HFM1: variants seen among roughly 807,000 people sequenced by gnomAD.
HFM1 encodes the protein probable ATP-dependent DNA helicase HFM1.
Under a neutral mutation model 192.1 loss-of-function variants are expected in HFM1, and 169 were observed. The observed-to-expected ratio is 0.88, with a 90% CI of 0.78 to 1.00. HFM1 has a LOEUF of 1.00. Among genes scored for constraint, HFM1 ranks in the 50% least tolerant of loss-of-function variants. HFM1 has a pLI of 0.00. For synonymous variants in HFM1, 525 were observed against 537.8 expected (o/e 0.98, Z 0.33); for missense variants, 1,661 against 1,668.0 (o/e 1.00, Z 0.07).
At chr1:91,335,190 C>G (rs1278881804) in intron 20 of HFM1, among the ~76,000 whole-genome samples, 3 of 152,102 alleles carry the variant, frequency 2.0e-5, no homozygotes, top group South Asian at 2.1e-4. Flanking sequence ...TAGCCAGGCT[C>G]TCAATTAGGA....
intron 3 of HFM1, among the ~76,000 whole-genome samples, chr1:91,395,249 T>C (rs1265513331): frequency 6.6e-6 from 1 of 152,144 alleles, no homozygotes; most frequent in African/African-American, 2.4e-5. Context: ...TACCAGGCGA[T>C]CTTACCTTTA....
chr1:91,361,265 C>A (rs1658465019), intron 13 of HFM1, among the ~76,000 whole-genome samples: 1 of 151,578 alleles, frequency 6.6e-6, no homozygotes, highest in African/African-American at 2.4e-5. Flanking sequence ...AATCCAGGAG[C>A]TAGTTTTTTG....
intron 25 of HFM1, among the ~76,000 whole-genome samples, chr1:91,318,304 CTT>C (rs1358939247): frequency 6.6e-6 from 1 of 152,146 alleles, no homozygotes; most frequent in Non-Finnish European, 1.5e-5. Context: ...GGTAGGTCTT[CTT>C]CATAAACAGT....
chr1:91,329,187 C>T (rs1974253), intron 20 of HFM1: 393,144 of 1,608,772 alleles, frequency 0.24, 50,988 homozygotes, highest in South Asian at 0.36. Context: ...GTACCCTTTG[C>T]CAGAAAATCG....
Position 91,393,244 on chromosome 1 carries a change from A to G in HFM1, c.494+849T>C, listed in dbSNP as rs147077562. 1.7e-3 allele frequency among the ~76,000 whole-genome samples: 265 copies of G among 152,156 alleles called. 4 individuals carry two copies. Among genetic ancestry groups the G allele is most frequent in the Admixed American group, 0.015 (228 of 15,284 alleles). On this transcript the variant is annotated intron_variant, in intron 4 of 38. Coordinates refer to ENST00000370425, the MANE Select transcript of HFM1 (RefSeq NM_001017975.6). The stretch of plus-strand genomic sequence containing the variant: ...TTTCCCATTCTCCATAATTTATTCC[A>G]TTCTTCTCATTCTTGCTCAATACTC...
chr1:91,407,263 G>A (rs1232298120), upstream of HFM1, among the ~76,000 whole-genome samples: 2 of 151,900 alleles, frequency 1.3e-5, no homozygotes, highest in African/African-American at 4.8e-5. Context: ...TGTAAATGAC[G>A]AGTTGATGGG....
In HFM1 at chr1:91,343,343, A is replaced by G; in HGVS notation, c.2335+87T>C. 8 of 604,784 alleles carry G rather than the reference A, an allele frequency of 1.3e-5. No homozygotes were observed. The South Asian group carries it at 1.7e-4, about 13-fold the overall frequency. The allele number at this position is 604,784 out of a possible 1,614,324, so 37.5% of individuals were successfully genotyped here. On this transcript the variant is annotated intron_variant, in intron 20 of 38. Transcript: ENST00000370425. ...AGAACTGAGATCACAATTTAGTTTT[A>G]TCACCATCTAAATTTTAGTAAAACA...
rs1203938370 is a variant in HFM1 at position 91,324,675 on chromosome 1, C to T, written c.2427G>A (p.Leu809=). 2.2e-6 allele frequency: 3 copies of T among 1,335,734 alleles called. No individual in the cohort carries two copies. Among genetic ancestry groups the T allele is most frequent in the Non-Finnish European group, 1.1e-6 (1 of 931,344 alleles). 82.7% of individuals were successfully genotyped at this position (1,335,734 alleles called of 1,614,324 possible). ...TISGKETLSD[L]VTLIAGCKEF... The stretch of plus-strand genomic sequence containing the variant: ...TTTTTTCTAGTGAAAATTAATTTAC[C>T]AGATCTGATAAGGTTTCTTTTCCAC... The change falls in exon 21 of 39, where the codon CTG becomes CTA. Residue 809 remains leucine (L), a splice_region_variant and synonymous_variant. Transcript: ENST00000370425.
chr1:91,337,543 A>G (rs1437355753), intron 20 of HFM1, among the ~76,000 whole-genome samples: 1 of 152,240 alleles, frequency 6.6e-6, no homozygotes, highest in African/African-American at 2.4e-5. Flanking sequence ...CTAAGAAATT[A>G]CAAACCCAGC....
At chr1:91,337,422 T>A (rs1654746927) in intron 20 of HFM1, among the ~76,000 whole-genome samples, 1 of 151,840 alleles carries the variant, frequency 6.6e-6, no homozygotes, top group South Asian at 2.1e-4. Flanking sequence ...ATACAAAAAA[T>A]AAACTCAAAG....
Position 91,323,276 on chromosome 1 carries a change from T to C in HFM1, c.2428-77A>G, listed in dbSNP as rs537057229. 26 of 798,296 alleles carry C rather than the reference T, an allele frequency of 3.3e-5. No individual in the cohort carries two copies. The African/African-American group carries it at 3.9e-4, about 12-fold the overall frequency. The allele number at this position is 798,296 out of a possible 1,614,324, so 49.5% of individuals were successfully genotyped here. On this transcript the variant is annotated intron_variant, in intron 21 of 38. Transcript: ENST00000370425. ...CTCATCCTTTCTCCAAATTTATTTA[T>C]TTTTCATACTGCCTTAAACCATCAC...
At chr1:91,366,040 G>C (rs1047860678) in intron 13 of HFM1, among the ~76,000 whole-genome samples, 1 of 151,638 alleles carries the variant, frequency 6.6e-6, no homozygotes, top group Admixed American at 6.6e-5. Context: ...AAAGAAGAGA[G>C]GAGAGTTAAA....
At chr1:91,315,725 C>T in intron 28 of HFM1, 90 bp downstream of exon 28, 1 of 904,834 alleles carries the variant, frequency 1.1e-6, no homozygotes, top group East Asian at 2.5e-5. Flanking sequence ...GTTGATCCCA[C>T]AATGATCTTG....
intron 25 of HFM1, 69 bp from the exon 26 acceptor site, chr1:91,316,545 T>A: frequency 1.5e-6 from 1 of 669,524 alleles, no homozygotes; most frequent in Non-Finnish European, 2.3e-6. Flanking sequence ...TTTAAATATT[T>A]AACAACTAAA....
chr1:91,260,940 TTTC>T lies in HFM1; in HGVS notation c.*347_*349del, dbSNP rs997881981. ...CATTACTTTGCTTTCATAGAATATT[TTTC>T]TTCTTGTTAAGAAAATATAAAAATG... On this transcript the variant is annotated 3_prime_UTR_variant, in exon 39 of 39. Transcript: ENST00000370425. 1.9e-5 allele frequency: 3 copies of T among 158,126 alleles called. No homozygotes were observed. The highest frequency in any genetic ancestry group is 4.8e-5 in the African/African-American group (2 of 41,764). 9.8% of individuals were successfully genotyped at this position (158,126 alleles called of 1,614,324 possible).
In HFM1 at chr1:91,303,541, C is replaced by T. The variant is rs1026415031; in HGVS notation, c.3391+9808G>A. On this transcript the variant is annotated intron_variant, in intron 30 of 38. Coordinates refer to ENST00000370425, the MANE Select transcript of HFM1 (RefSeq NM_001017975.6). The stretch of plus-strand genomic sequence containing the variant: ...GGATATACACCTAGGAGTACAATTG[C>T]TGTATCATATGTTAATTCTATGTTA... Among the ~76,000 whole-genome samples the T allele has an allele frequency of 2.6e-5, 4 of 152,098 alleles. No individual in the cohort carries two copies. The South Asian group carries it at 6.2e-4, about 24-fold the overall frequency.
At position 91,349,285 on chromosome 1, in the gene HFM1, C is replaced by CA. The variant is rs33918216; in HGVS notation, c.2206+1452dup. 2.2e-4 allele frequency among the ~76,000 whole-genome samples: 32 copies of CA among 148,478 alleles called. 1 individual carries two copies. Among genetic ancestry groups the CA allele is most frequent in the Non-Finnish European group, 7.5e-5 (5 of 67,102 alleles). On this transcript the variant is annotated intron_variant, in intron 18 of 38. Transcript: ENST00000370425. The stretch of plus-strand genomic sequence containing the variant: ...TCTGGGCAATCAAGAGAGGCTATCT[C>CA]AAAAAAAAAAAAAATGCCCAGAAAT...
chr1:91,291,717 C>T (rs1267593986), intron 30 of HFM1, among the ~76,000 whole-genome samples: 1 of 151,902 alleles, frequency 6.6e-6, no homozygotes, highest in African/African-American at 2.4e-5. Context: ...CCAGCATCAT[C>T]CTGATACCAA....
intron 36 of HFM1, among the ~76,000 whole-genome samples, chr1:91,263,251 G>GAT (rs1665336510): frequency 1.3e-5 from 2 of 152,094 alleles, no homozygotes; most frequent in African/African-American, 4.8e-5. Context: ...TTTAAAAGAT[G>GAT]ATCATCAATG....
Sources: allele counts gnomAD v4.1 joint callset (sites outside exome capture counted in the v4.1 genomes callset), GRCh38; gene constraint gnomAD v4.1.1; transcripts MANE v1.5; gene names NCBI Gene and HGNC (gene_info 2026-07-23, HGNC 2026-07-21).